Variants in KCNMB2 observed in about 807,000 individuals in gnomAD.
KCNMB2 encodes the protein potassium calcium-activated channel subfamily M regulatory beta subunit 2.
A neutral mutation model predicts 24.5 loss-of-function variants in KCNMB2; 9 were observed. The observed-to-expected ratio is 0.37, with a 90% CI of 0.22 to 0.64. KCNMB2 has a LOEUF of 0.64. KCNMB2 is among the 30% of genes least tolerant of loss of function. The pLI, the probability that KCNMB2 is intolerant of heterozygous loss-of-function variation, is 0.63. For missense variants in KCNMB2, 226 were observed against 284.3 expected, an observed-to-expected ratio of 0.79 and a Z score of 1.47; for synonymous variants, 109 against 104.4, an observed-to-expected ratio of 1.04 and a Z score of -0.27.
chr3:178,722,621 C>A (rs758076897), intron 1 of KCNMB2, among the ~76,000 whole-genome samples: 1 of 152,106 alleles, frequency 6.6e-6, no homozygotes, highest in Admixed American at 6.5e-5. Context: ...TGGCGGGGCA[C>A]GGTGACATAT....
At chr3:178,623,504 CAT>C (rs757620537) in intron 1 of KCNMB2, among the ~76,000 whole-genome samples, 6 of 150,932 alleles carry the variant, frequency 4.0e-5, no homozygotes, top group Non-Finnish European at 8.9e-5. Context: ...TCAGTTGACT[CAT>C]GTGTGATTTA....
intron 1 of KCNMB2, among the ~76,000 whole-genome samples, chr3:178,681,413 C>T (rs925979160): frequency 8.5e-5 from 13 of 152,062 alleles, no homozygotes; most frequent in African/African-American, 3.1e-4. Context: ...TAATGGCCCC[C>T]CAAAAAACAA....
At chr3:178,739,899 G>A (rs930158469) in intron 1 of KCNMB2, among the ~76,000 whole-genome samples, 1 of 152,266 alleles carries the variant, frequency 6.6e-6, no homozygotes, top group African/African-American at 2.4e-5. Context: ...AGGAAAACCA[G>A]AACACAGACT....
intron 1 of KCNMB2, among the ~76,000 whole-genome samples, chr3:178,683,998 A>G (rs948219113): frequency 6.6e-6 from 1 of 152,194 alleles, no homozygotes; most frequent in Non-Finnish European, 1.5e-5. Flanking sequence ...ACTCACTGCT[A>G]TACTTACAGT....
At position 178,544,881 on chromosome 3, in the gene KCNMB2, A is replaced by G. The variant is rs568916213; in HGVS notation, c.-68+8170A>G. On this transcript the variant is annotated intron_variant, in intron 1 of 4. Coordinates refer to ENST00000452583, the MANE Select transcript of KCNMB2 (RefSeq NM_181361.3). ...AGCAACGATGTTTTTTATAAATCTC[A>G]GGTGACTAGAACTATATTAAGTATA... is the stretch of plus-strand genomic sequence containing the variant. Among the ~76,000 whole-genome samples the G allele has an allele frequency of 7.9e-5, 12 of 152,338 alleles. No homozygotes were observed. The South Asian group carries it at 2.3e-3, about 29-fold the overall frequency.
At chr3:178,559,624 C>T (rs1168155645) in intron 1 of KCNMB2, among the ~76,000 whole-genome samples, 1 of 149,642 alleles carries the variant, frequency 6.7e-6, no homozygotes, top group East Asian at 1.9e-4. Context: ...TAGAAATTGT[C>T]TTACAAAAAC....
At position 178,638,401 on chromosome 3, in the gene KCNMB2, C is replaced by T. The variant is rs576312990; in HGVS notation, c.-68+101690C>T. 4.6e-3 allele frequency among the ~76,000 whole-genome samples: 693 copies of T among 152,080 alleles called. 3 individuals carry two copies. Among genetic ancestry groups the T allele is most frequent in the Non-Finnish European group, 7.6e-3 (518 of 68,002 alleles). ...TCTTTATATTTTCCTGTTTTTATTCCCCTCTAGATTGCTTTCCCCATTATC... is the reference window on the plus strand; with the variant it reads ...TCTTTATATTTTCCTGTTTTTATTCTCCTCTAGATTGCTTTCCCCATTATC... On this transcript the variant is annotated intron_variant, in intron 1 of 4. Coordinates refer to ENST00000452583, the MANE Select transcript of KCNMB2 (RefSeq NM_181361.3).
rs1711513039 is a variant in KCNMB2, at chr3:178,758,832, A to AAGAGGGATATATATATATATATC, written c.-67-48511_-67-48510insAGAGGGATATATATATATATATC. On this transcript the variant is annotated intron_variant, in intron 1 of 4. Transcript: ENST00000452583. ...CCAAGAGGGATATATATATATATATATCTCCAAGAGGGATATATATATATA... is the reference window on the plus strand; with the variant it reads ...CCAAGAGGGATATATATATATATATAAGAGGGATATATATATATATATCTCTCCAAGAGGGATATATATATATA... 3.8e-4 allele frequency among the ~76,000 whole-genome samples: 3 copies of AAGAGGGATATATATATATATATC among 7,886 alleles called. 1 individual carries two copies. The highest frequency in any genetic ancestry group is 5.0e-3 in the African/African-American group (2 of 398). The allele number at this position is 7,886 out of a possible 152,430, so 5.2% of individuals were successfully genotyped here. A position where few individuals can be genotyped will look rare whatever the true frequency, so the allele number is the denominator to read the frequency against.
chr3:178,579,649 G>C (rs1010974076), intron 1 of KCNMB2, among the ~76,000 whole-genome samples: 16 of 151,980 alleles, frequency 1.1e-4, no homozygotes, highest in Non-Finnish European at 2.2e-4. Context: ...AGAAATGAGA[G>C]AAGAATCAAA....
At chr3:178,590,272 G>A (rs535808684) in intron 1 of KCNMB2, among the ~76,000 whole-genome samples, 8 of 152,096 alleles carry the variant, frequency 5.3e-5, no homozygotes, top group East Asian at 3.9e-4. Flanking sequence ...AAAAGATTGG[G>A]TAGAACAATT....
At chr3:178,680,031 T>C (rs186099199) in intron 1 of KCNMB2, among the ~76,000 whole-genome samples, 25 of 152,046 alleles carry the variant, frequency 1.6e-4, no homozygotes, top group Middle Eastern at 3.4e-3. Flanking sequence ...TGGGGAAGAA[T>C]CGGCCCCAGA....
intron 1 of KCNMB2, among the ~76,000 whole-genome samples, chr3:178,608,834 G>C (rs1274538631): frequency 6.6e-6 from 1 of 152,030 alleles, no homozygotes; most frequent in East Asian, 1.9e-4. Context: ...CTTTTTTATG[G>C]TTAAATAGTA....
At chr3:178,657,682 C>T (rs187464461) in intron 1 of KCNMB2, among the ~76,000 whole-genome samples, 1 of 152,320 alleles carries the variant, frequency 6.6e-6, no homozygotes, top group East Asian at 1.9e-4. Context: ...AACTGGATAA[C>T]TTATAATGAA....
intron 1 of KCNMB2, among the ~76,000 whole-genome samples, chr3:178,569,647 G>A (rs1716699508): frequency 6.6e-6 from 1 of 152,090 alleles, no homozygotes; most frequent in African/African-American, 2.4e-5. Flanking sequence ...CTGGTGTATT[G>A]AACATCATCT....
At chr3:178,826,975 A>T (rs1479293006) in intron 3 of KCNMB2, among the ~76,000 whole-genome samples, 1 of 152,102 alleles carries the variant, frequency 6.6e-6, no homozygotes, top group Non-Finnish European at 1.5e-5. Context: ...GCAAAATGTG[A>T]CCACCCATGT....
chr3:178,709,928 A>C (rs6443567), intron 1 of KCNMB2, among the ~76,000 whole-genome samples: 1 of 151,850 alleles, frequency 6.6e-6, no homozygotes, highest in Middle Eastern at 3.2e-3. Flanking sequence ...TCCCTGTGCA[A>C]AATATAGTTA....
intron 1 of KCNMB2, among the ~76,000 whole-genome samples, chr3:178,599,525 G>T (rs978827052): frequency 6.6e-6 from 1 of 152,068 alleles, no homozygotes; most frequent in South Asian, 2.1e-4. Context: ...CCAGATTTCA[G>T]GTGTTTTGTG....
chr3:178,585,878 T>C (rs1448080738), intron 1 of KCNMB2, among the ~76,000 whole-genome samples: 1 of 152,238 alleles, frequency 6.6e-6, no homozygotes, highest in Admixed American at 6.5e-5. Context: ...TGTGAGCTGA[T>C]AATTTAGGAG....
intron 1 of KCNMB2, among the ~76,000 whole-genome samples, chr3:178,758,069 G>GAT (rs796437582): frequency 2.3e-4 from 9 of 39,690 alleles, no homozygotes; most frequent in African/African-American, 5.0e-4. Context: ...TCTCCAAGAG[G>GAT]ATATATATAT....
Sources: gnomAD v4.1 joint callset for allele counts (sites outside exome capture counted in the v4.1 genomes callset) on GRCh38, gnomAD v4.1.1 for gene constraint, MANE v1.5 for transcripts, NCBI Gene and HGNC (gene_info 2026-07-23, HGNC 2026-07-21) for gene names.